Variants in TENM2 observed in about 807,000 individuals in gnomAD.
TENM2 encodes teneurin-2.
A neutral mutation model predicts 245.2 loss-of-function variants in TENM2; 52 were observed. The observed-to-expected ratio is 0.21, with a 90% confidence interval of 0.17 to 0.27. The LOEUF (loss-of-function observed/expected upper bound fraction) is 0.27, where lower values mean the gene tolerates loss of function less well. TENM2 is among the 10% of genes least tolerant of loss of function. The pLI, the probability that TENM2 is intolerant of heterozygous loss-of-function variation, is 1.00. For missense variants in TENM2, 3,046 were observed against 3,666.8 expected (o/e 0.83, Z 4.37); for synonymous variants, 1,363 against 1,438.9 (o/e 0.95, Z 1.19).
In TENM2 at chr5:168,125,627, C is replaced by T. The variant is rs74855881; in HGVS notation, c.2209+577C>T. On this transcript the variant is annotated intron_variant, in intron 11 of 28. Coordinates refer to ENST00000518659, the Ensembl canonical transcript of TENM2. ...ACTGACAAGTCCCTATCCAAGCAAG[C>T]GATCATTCCGCCCCCTTCCTCTGGG... is the stretch of plus-strand genomic sequence containing the variant. Among the ~76,000 whole-genome samples, 1,012 of 152,166 alleles carry T rather than the reference C, an allele frequency of 6.7e-3. 14 individuals carry two copies. The highest frequency in any genetic ancestry group is 0.023 in the African/African-American group (975 of 41,514).
At chr5:167,261,569 G>A in the TENM2 span, among the ~76,000 whole-genome samples, 1 of 152,112 alleles carries the variant, frequency 6.6e-6, no homozygotes, top group African/African-American at 2.4e-5. Flanking sequence ...CATGAATTAA[G>A]GCAGGAAAGA....
intron 2 of TENM2, among the ~76,000 whole-genome samples, chr5:167,405,769 A>AACACACAC (rs149621688): frequency 0.028 from 4,125 of 145,246 alleles, 144 homozygotes; most frequent in African/African-American, 0.088. Flanking sequence ...CACACACACA[A>AACACACAC]ACACACACAC....
the TENM2 span, among the ~76,000 whole-genome samples, chr5:167,125,226 A>G: frequency 6.6e-6 from 1 of 152,224 alleles, no homozygotes; most frequent in South Asian, 2.1e-4. Context: ...AAAGGCCAAA[A>G]GCGATTGAAG....
intron 2 of TENM2, among the ~76,000 whole-genome samples, chr5:167,570,942 ATGAGT>A (rs897439134): frequency 6.6e-6 from 1 of 152,186 alleles, no homozygotes; most frequent in Non-Finnish European, 1.5e-5. Context: ...GGGTGAGTTC[ATGAGT>A]TGAGTGGTAG....
chr5:167,872,550 GAAAGAAAGAA>G (rs1290116595), intron 2 of TENM2, among the ~76,000 whole-genome samples: 7 of 42,156 alleles, frequency 1.7e-4, no homozygotes, highest in African/African-American at 4.4e-4. Context: ...GAAAGAAAGA[GAAAGAAAGAA>G]AGAAAGAAAG....
the TENM2 span, among the ~76,000 whole-genome samples, chr5:167,037,076 C>A: frequency 4.0e-4 from 61 of 152,286 alleles, no homozygotes; most frequent in African/African-American, 1.4e-3. Flanking sequence ...ACTATCTCTC[C>A]TTTGATCTGA....
In TENM2 at chr5:168,108,957, A is replaced by G. The variant is rs147614286; in HGVS notation, c.1814-9335A>G. Among the ~76,000 whole-genome samples the G allele has an allele frequency of 4.0e-3, 610 of 152,262 alleles. 16 individuals are homozygous for G. Among genetic ancestry groups the G allele is most frequent in the Admixed American group, 0.035 (532 of 15,294 alleles). Reference sequence around the variant, plus strand: ...TCAGAGCTTCCTTCTCTCTCCATGAAGGAGGCTCGGGTCTCAGCTGTCCTT... The same window carrying G: ...TCAGAGCTTCCTTCTCTCTCCATGAGGGAGGCTCGGGTCTCAGCTGTCCTT... On this transcript the variant is annotated intron_variant, in intron 9 of 28. Transcript: ENST00000518659.
intron 1 of TENM2, among the ~76,000 whole-genome samples, chr5:167,364,032 A>G (rs79687855): frequency 0.014 from 2,139 of 152,188 alleles, 14 homozygotes; most frequent in African/African-American, 0.02. Context: ...GAAATCAGCA[A>G]CAGACTGCAC....
intron 1 of TENM2, among the ~76,000 whole-genome samples, chr5:167,371,107 C>G (rs1006112408): frequency 1.3e-5 from 2 of 152,142 alleles, no homozygotes; most frequent in African/African-American, 2.4e-5. Flanking sequence ...GGAAATCAAT[C>G]CATATAGAAG....
intron 2 of TENM2, among the ~76,000 whole-genome samples, chr5:167,434,745 TAA>T (rs1189404610): frequency 3.3e-5 from 5 of 152,158 alleles, no homozygotes; most frequent in African/African-American, 1.2e-4. Flanking sequence ...GACTCCATAT[TAA>T]TAAAGTAGCT....
chr5:167,594,573 A>G (rs1415333472), intron 2 of TENM2, among the ~76,000 whole-genome samples: 1 of 152,196 alleles, frequency 6.6e-6, no homozygotes, highest in East Asian at 1.9e-4. Context: ...TGTTTAATGT[A>G]AATTACAATG....
At chr5:167,804,961 G>A (rs1237090113) in intron 2 of TENM2, among the ~76,000 whole-genome samples, 1 of 152,188 alleles carries the variant, frequency 6.6e-6, no homozygotes, top group East Asian at 1.9e-4. Context: ...CAGTATTTGA[G>A]GCTGAATGAG....
chr5:167,401,707 A>G (rs1229394329), intron 2 of TENM2, among the ~76,000 whole-genome samples: 1 of 152,026 alleles, frequency 6.6e-6, no homozygotes, highest in African/African-American at 2.4e-5. Context: ...GAAAACCCCT[A>G]TTTTCCAGCT....
intron 3 of TENM2, among the ~76,000 whole-genome samples, chr5:167,889,358 C>T (rs1392125561): frequency 2.6e-5 from 4 of 152,118 alleles, no homozygotes; most frequent in Non-Finnish European, 5.9e-5. Flanking sequence ...GCCAGCTCCC[C>T]GAATAATTCC....
intron 3 of TENM2, among the ~76,000 whole-genome samples, chr5:167,917,356 G>A (rs1030131091): frequency 3.9e-5 from 6 of 152,096 alleles, no homozygotes; most frequent in African/African-American, 9.7e-5. Flanking sequence ...CTGGAGTCTC[G>A]GGGGGTTGTA....
chr5:167,453,162 G>A (rs1256429607), intron 2 of TENM2, among the ~76,000 whole-genome samples: 2 of 151,252 alleles, frequency 1.3e-5, no homozygotes, highest in Non-Finnish European at 2.9e-5. Flanking sequence ...AACTGCCTTT[G>A]GAAGCTTCAG....
At chr5:167,771,613 A>T (rs1279098502) in intron 2 of TENM2, among the ~76,000 whole-genome samples, 5 of 152,186 alleles carry the variant, frequency 3.3e-5, no homozygotes, top group Non-Finnish European at 7.3e-5. Flanking sequence ...TGGGCAGTTA[A>T]CATCTCAATT....
At chr5:167,550,995 C>T (rs1354288329) in intron 2 of TENM2, among the ~76,000 whole-genome samples, 1 of 152,110 alleles carries the variant, frequency 6.6e-6, no homozygotes, top group Non-Finnish European at 1.5e-5. Flanking sequence ...TCCCAAAGTG[C>T]TGGGATTACA....
At chr5:167,552,333 GTCA>G (rs954161086) in intron 2 of TENM2, among the ~76,000 whole-genome samples, 3 of 152,104 alleles carry the variant, frequency 2.0e-5, no homozygotes, top group African/African-American at 4.8e-5. Context: ...AACTTCACTT[GTCA>G]TCATTTGTTT....
Sources: allele counts gnomAD v4.1 joint callset (sites outside exome capture counted in the v4.1 genomes callset), GRCh38; gene constraint gnomAD v4.1.1; transcripts MANE v1.5; gene names NCBI Gene and HGNC (gene_info 2026-07-23, HGNC 2026-07-21).